VTI1A: variants seen among roughly 807,000 people sequenced by gnomAD.
VTI1A encodes vesicle transport through interaction with t-SNAREs 1A.
VTI1A carries 22 observed loss-of-function variants against 34.9 expected under a neutral mutation model. The ratio of observed to expected loss-of-function variants is 0.63; its 90% confidence interval spans 0.45 to 0.90. The LOEUF (loss-of-function observed/expected upper bound fraction) is 0.90. Ranked by LOEUF, VTI1A falls within the 40% of genes least tolerant of loss-of-function variation. The probability of loss-of-function intolerance (pLI) is 0.00; values close to 1 mark genes in which losing one functional copy is unlikely to be tolerated. For synonymous variants in VTI1A, 87 were observed against 97.3 expected, an observed-to-expected ratio of 0.89 and a Z score of 0.62; for missense variants, 268 against 275.6, an observed-to-expected ratio of 0.97 and a Z score of 0.20.
At position 112,609,120 on chromosome 10, in the gene VTI1A, T is replaced by G. The variant is rs574334604; in HGVS notation, c.428-59098T>G. 3.3e-5 allele frequency among the ~76,000 whole-genome samples: 5 copies of G among 152,310 alleles called. No homozygotes were observed. In the South Asian group the frequency reaches 1.0e-3, roughly 32 times the overall value. On this transcript the variant is annotated intron_variant, in intron 5 of 7. Coordinates refer to ENST00000393077, the MANE Select transcript of VTI1A (RefSeq NM_145206.4). ...AAGATTTGGTGAATCTTATTTTATT[T>G]CTATATCAGTACGTTTTAAGAAGTT... is the stretch of plus-strand genomic sequence containing the variant.
chr10:112,533,180 A>G (rs1376917827), intron 4 of VTI1A, among the ~76,000 whole-genome samples: 2 of 152,100 alleles, frequency 1.3e-5, no homozygotes, highest in Admixed American at 1.3e-4. Context: ...TCAATGGTAC[A>G]TTCTTAGAAG....
chr10:112,852,874 G>A, the VTI1A span, among the ~76,000 whole-genome samples: 1 of 152,136 alleles, frequency 6.6e-6, no homozygotes, highest in African/African-American at 2.4e-5. Flanking sequence ...CACCTCCCAG[G>A]TTCAAGCAAT....
intron 7 of VTI1A, among the ~76,000 whole-genome samples, chr10:112,764,320 G>A (rs929486296): frequency 6.6e-6 from 1 of 152,126 alleles, no homozygotes; most frequent in Non-Finnish European, 1.5e-5. Context: ...CTTGATTTTC[G>A]GTGGAAATGG....
chr10:112,528,107 C>G (rs1850301919), intron 4 of VTI1A, among the ~76,000 whole-genome samples: 1 of 152,074 alleles, frequency 6.6e-6, no homozygotes, highest in Non-Finnish European at 1.5e-5. Flanking sequence ...ATAAAAGTCT[C>G]TACTCTGCCT....
intron 7 of VTI1A, among the ~76,000 whole-genome samples, chr10:112,810,991 C>G (rs896839462): frequency 6.6e-6 from 1 of 152,320 alleles, no homozygotes; most frequent in Admixed American, 6.5e-5. Context: ...CATACCTTAG[C>G]TTCTGAAATA....
intron 5 of VTI1A, among the ~76,000 whole-genome samples, chr10:112,544,470 G>A (rs1850996160): frequency 6.6e-6 from 1 of 152,048 alleles, no homozygotes; most frequent in African/African-American, 2.4e-5. Flanking sequence ...CAAAGTGCTG[G>A]GATTACAGGT....
chr10:112,568,784 T>C (rs1851999699), intron 5 of VTI1A, among the ~76,000 whole-genome samples: 4 of 152,164 alleles, frequency 2.6e-5, no homozygotes, highest in Middle Eastern at 3.2e-3. Flanking sequence ...TTCATGTTTT[T>C]CCCCCCACTT....
At chr10:112,769,125 A>C (rs557608342) in intron 7 of VTI1A, among the ~76,000 whole-genome samples, 2 of 152,326 alleles carry the variant, frequency 1.3e-5, no homozygotes, top group South Asian at 4.1e-4. Context: ...TGCAGAGCCC[A>C]AATAAATTTT....
chr10:112,670,518 A>T (rs186494668), intron 7 of VTI1A, among the ~76,000 whole-genome samples: 2 of 152,260 alleles, frequency 1.3e-5, no homozygotes, highest in Admixed American at 6.5e-5. Context: ...ATTTCTGTCC[A>T]TGTTTCTGCT....
At position 112,455,665 on chromosome 10, in the gene VTI1A, C is replaced by CCCTCCCTTCCTCCCTT. The variant is rs1348699341; in HGVS notation, c.95-4856_95-4855insCCCTTCCTCCCTTCCT. Among the ~76,000 whole-genome samples, 284 of 125,186 alleles carry CCCTCCCTTCCTCCCTT rather than the reference C, an allele frequency of 2.3e-3. 1 individual carries two copies. Among genetic ancestry groups the CCCTCCCTTCCTCCCTT allele is most frequent in the African/African-American group, 8.9e-3 (271 of 30,430 alleles). The allele number at this position is 125,186 out of a possible 152,430, so 82.1% of individuals were successfully genotyped here. A position where few individuals can be genotyped will look rare whatever the true frequency, so the allele number is the denominator to read the frequency against. On this transcript the variant is annotated intron_variant, in intron 1 of 7. Transcript: ENST00000393077. Reference sequence around the variant, plus strand: ...CTCCTTCTCCCCTCCCTCCCTTCCTCCCTTCCTTCCTTCCTTCCTTCCTTC... The same window carrying CCCTCCCTTCCTCCCTT: ...CTCCTTCTCCCCTCCCTCCCTTCCTCCCTCCCTTCCTCCCTTCCTTCCTTCCTTCCTTCCTTCCTTC...
At chr10:112,464,987 C>T (rs996841997) in intron 3 of VTI1A, among the ~76,000 whole-genome samples, 11 of 152,194 alleles carry the variant, frequency 7.2e-5, no homozygotes, top group African/African-American at 2.7e-4. Flanking sequence ...GCAGCCTGTA[C>T]ATTTGCAGCT....
At chr10:112,518,762 G>GGT (rs1206706139) in intron 3 of VTI1A, among the ~76,000 whole-genome samples, 1 of 151,142 alleles carries the variant, frequency 6.6e-6, no homozygotes, top group East Asian at 1.9e-4. Flanking sequence ...ACCAGTAGAG[G>GGT]GTGAAACATT....
At chr10:112,527,055 C>T in intron 3 of VTI1A, 32 bp from the exon 4 acceptor site, 1 of 1,607,244 alleles carries the variant, frequency 6.2e-7, no homozygotes, top group Non-Finnish European at 8.5e-7. Context: ...TAACGTTCCT[C>T]TCACTCTCTC....
intron 7 of VTI1A, among the ~76,000 whole-genome samples, chr10:112,746,575 G>C (rs947634219): frequency 1.4e-4 from 22 of 152,188 alleles, no homozygotes; most frequent in Non-Finnish European, 5.9e-5. Context: ...CAGGATAAGG[G>C]AAGTGGCAGA....
intron 7 of VTI1A, among the ~76,000 whole-genome samples, chr10:112,689,912 T>G (rs1848556796): frequency 6.6e-6 from 1 of 152,120 alleles, no homozygotes; most frequent in Non-Finnish European, 1.5e-5. Flanking sequence ...CCTACCCCTT[T>G]GCATTCAAAT....
At chr10:112,531,877 T>G (rs908277636) in intron 4 of VTI1A, among the ~76,000 whole-genome samples, 2 of 152,222 alleles carry the variant, frequency 1.3e-5, no homozygotes, top group African/African-American at 2.4e-5. Context: ...ATAGGCCAGG[T>G]ATTTTAGCTT....
At chr10:112,455,287 CCCCT>C (rs1847445077) in intron 1 of VTI1A, among the ~76,000 whole-genome samples, 1 of 8,306 alleles carries the variant, frequency 1.2e-4, no homozygotes, top group Non-Finnish European at 2.7e-4. Context: ...CCCTCCCCTC[CCCCT>C]CCCCTCCCCT....
rs200956630 is a variant in VTI1A, at chr10:112,693,534, T to C, written c.560+24536T>C. 6.3e-4 allele frequency among the ~76,000 whole-genome samples: 96 copies of C among 152,064 alleles called. 1 individual carries two copies. The East Asian group carries it at 0.016, about 25-fold the overall frequency. ...TGCATTCCAGTCTGGACAACAATATTGAAACTCTGTCTAAAAAATAAATAA... is the reference window on the plus strand; with the variant it reads ...TGCATTCCAGTCTGGACAACAATATCGAAACTCTGTCTAAAAAATAAATAA... On this transcript the variant is annotated intron_variant, in intron 7 of 7. Transcript: ENST00000393077.
intron 5 of VTI1A, among the ~76,000 whole-genome samples, chr10:112,610,761 A>C (rs1404712271): frequency 1.3e-5 from 2 of 151,846 alleles, no homozygotes; most frequent in African/African-American, 4.8e-5. Flanking sequence ...CTAAAAATAC[A>C]CAAAAAAACT....
Sources: gnomAD v4.1 joint callset for allele counts (sites outside exome capture counted in the v4.1 genomes callset) on GRCh38, gnomAD v4.1.1 for gene constraint, MANE v1.5 for transcripts, NCBI Gene and HGNC (gene_info 2026-07-23, HGNC 2026-07-21) for gene names.